Variants in LRRIQ3 observed in about 807,000 individuals in gnomAD.
LRRIQ3 encodes the protein leucine-rich repeat and IQ domain-containing protein 3.
A neutral mutation model predicts 59.3 loss-of-function variants in LRRIQ3; 75 were observed. The observed-to-expected ratio is 1.26, with a 90% CI of 1.05 to 1.53. LRRIQ3 has a LOEUF of 1.53. LRRIQ3 is among the 40% of genes most tolerant of loss of function. LRRIQ3 has a pLI of 0.00. For synonymous variants in LRRIQ3, 250 were observed against 231.3 expected (o/e 1.08, Z -0.73); for missense variants, 831 against 710.0 (o/e 1.17, Z -1.94).
chr1:74,159,638 T>C (rs1221081431), intron 3 of LRRIQ3, among the ~76,000 whole-genome samples: 3 of 152,160 alleles, frequency 2.0e-5, no homozygotes, highest in Non-Finnish European at 4.4e-5. Context: ...CTTGGCTAAC[T>C]CTTCTCAAGT....
chr1:74,037,290 C>G (rs892712692), intron 7 of LRRIQ3, among the ~76,000 whole-genome samples: 1 of 152,082 alleles, frequency 6.6e-6, no homozygotes, highest in Non-Finnish European at 1.5e-5. Context: ...TCAAAAAGAA[C>G]CATAACTGCC....
intron 4 of LRRIQ3, among the ~76,000 whole-genome samples, chr1:74,131,307 C>A (rs545094502): frequency 6.6e-6 from 1 of 152,260 alleles, no homozygotes; most frequent in South Asian, 2.1e-4. Flanking sequence ...CAAGGAGGAG[C>A]TGGTACCATT....
chr1:74,183,046 C>A lies in LRRIQ3; in HGVS notation c.250-185G>T, dbSNP rs185152138. 218 of 398,918 alleles carry A rather than the reference C, an allele frequency of 5.5e-4. 1 individual carries two copies. Among genetic ancestry groups the A allele is most frequent in the African/African-American group, 4.3e-3 (206 of 48,416 alleles). 24.7% of individuals were successfully genotyped at this position (398,918 alleles called of 1,614,324 possible). ...TTGAAAACCATAATACACTGGGTAT[C>A]TGAGATAATTTATTATTATTCGCAT... On this transcript the variant is annotated intron_variant, in intron 2 of 7. Transcript: ENST00000354431.
chr1:74,114,705 A>G (rs1646753604), intron 4 of LRRIQ3, among the ~76,000 whole-genome samples: 1 of 151,722 alleles, frequency 6.6e-6, no homozygotes, highest in Admixed American at 6.6e-5. Context: ...ACTGAACTCT[A>G]GCTTGGGCAA....
intron 1 of LRRIQ3, among the ~76,000 whole-genome samples, chr1:74,189,176 G>T (rs1009523438): frequency 6.6e-6 from 1 of 152,066 alleles, no homozygotes; most frequent in Non-Finnish European, 1.5e-5. Flanking sequence ...ATGTTGACCT[G>T]TCCTCTCCAT....
Position 74,183,695 on chromosome 1 carries a change from T to C in LRRIQ3, c.1-11A>G. ...TGTTCCATGAAACATCTAGGAAAGA[T>C]AAGAAAGTGCTTTGATTTTTTTTTC... On this transcript the variant is annotated splice_polypyrimidine_tract_variant and intron_variant, in intron 1 of 7. Transcript: ENST00000354431. 6.9e-7 allele frequency: 1 copy of C among 1,444,848 alleles called. No homozygotes were observed. Among genetic ancestry groups the C allele is most frequent in the Non-Finnish European group, 9.2e-7 (1 of 1,092,502 alleles). 89.5% of individuals were successfully genotyped at this position (1,444,848 alleles called of 1,614,324 possible). A position where few individuals can be genotyped will look rare whatever the true frequency, so the allele number is the denominator to read the frequency against.
intron 3 of LRRIQ3, among the ~76,000 whole-genome samples, chr1:74,165,704 G>A (rs1189048464): frequency 6.6e-6 from 1 of 151,624 alleles, no homozygotes; most frequent in Non-Finnish European, 1.5e-5. Flanking sequence ...CATAATGTTA[G>A]TTGTAGGTAT....
At chr1:74,090,266 T>A (rs1160387373) in intron 5 of LRRIQ3, among the ~76,000 whole-genome samples, 3 of 151,974 alleles carry the variant, frequency 2.0e-5, no homozygotes, top group African/African-American at 7.2e-5. Flanking sequence ...ATCTACAGAA[T>A]TATAATAAAT....
chr1:74,113,910 G>GA (rs942711146), intron 4 of LRRIQ3, among the ~76,000 whole-genome samples: 1 of 151,450 alleles, frequency 6.6e-6, no homozygotes, highest in African/African-American at 2.4e-5. Context: ...TTAACTAATT[G>GA]AAAAAGTAAT....
chr1:74,166,450 C>T (rs1648997855), intron 3 of LRRIQ3, among the ~76,000 whole-genome samples: 1 of 151,708 alleles, frequency 6.6e-6, no homozygotes, highest in African/African-American at 2.4e-5. Flanking sequence ...CTTTGTCAGT[C>T]TTGACAGGTT....
chr1:74,103,150 T>C (rs1465611137), intron 5 of LRRIQ3, among the ~76,000 whole-genome samples: 2 of 152,010 alleles, frequency 1.3e-5, no homozygotes, highest in Non-Finnish European at 2.9e-5. Flanking sequence ...GACCCATTAG[T>C]TGCAGGTGGC....
intron 6 of LRRIQ3, among the ~76,000 whole-genome samples, chr1:74,064,788 G>A (rs959957829): frequency 6.6e-6 from 1 of 151,972 alleles, no homozygotes; most frequent in Non-Finnish European, 1.5e-5. Context: ...CTGATGAGCA[G>A]TAAGTTATTA....
At chr1:74,190,971 T>C (rs1650727679) in intron 1 of LRRIQ3, among the ~76,000 whole-genome samples, 1 of 152,140 alleles carries the variant, frequency 6.6e-6, no homozygotes, top group Non-Finnish European at 1.5e-5. Flanking sequence ...ATGTAAGATA[T>C]GCCTTCCACC....
intron 6 of LRRIQ3, among the ~76,000 whole-genome samples, chr1:74,072,570 A>G (rs1170074036): frequency 6.6e-6 from 1 of 152,008 alleles, no homozygotes; most frequent in African/African-American, 2.4e-5. Flanking sequence ...GGGCTTGTGA[A>G]CAAAGAAGAA....
intron 1 of LRRIQ3, among the ~76,000 whole-genome samples, chr1:74,193,279 T>A (rs555391951): frequency 2.7e-4 from 41 of 152,302 alleles, no homozygotes; most frequent in Non-Finnish European, 1.6e-4. Flanking sequence ...TTACAGAACG[T>A]ATCAAGTCTC....
At chr1:74,171,930 T>A (rs902327179) in intron 3 of LRRIQ3, among the ~76,000 whole-genome samples, 1 of 152,154 alleles carries the variant, frequency 6.6e-6, no homozygotes, top group African/African-American at 2.4e-5. Flanking sequence ...TTTAAATGAG[T>A]CTCAAAATCT....
rs767641238 is a variant in LRRIQ3, at chr1:74,041,267, T to C, written c.1664A>G (p.Lys555Arg). Reference protein sequence around the residue: ...LKEKSLIVKQKLKAEKYRKNL... With the variant: ...LKEKSLIVKQRLKAEKYRKNL... ...CTTTCTATATTTTTCTGCTTTTAGT[T>C]TTTGCTTAACAATCAGGCTTTTCTC... The change falls in exon 7 of 8, where the codon AAA becomes AGA. Residue 555 changes from lysine to arginine, a missense_variant. Coordinates refer to ENST00000354431, the MANE Select transcript of LRRIQ3 (RefSeq NM_001105659.2). The C allele has an allele frequency of 1.4e-5, 22 of 1,595,692 alleles. No homozygotes were observed. The highest frequency in any genetic ancestry group is 1.7e-4 in the Middle Eastern group (1 of 5,860).
At chr1:74,068,939 G>A (rs1215584303) in intron 6 of LRRIQ3, among the ~76,000 whole-genome samples, 1 of 151,998 alleles carries the variant, frequency 6.6e-6, no homozygotes. Context: ...AAAATGTAAT[G>A]TGTTTCAGTG....
intron 7 of LRRIQ3, among the ~76,000 whole-genome samples, chr1:74,040,131 G>A (rs1653998502): frequency 6.6e-6 from 1 of 151,988 alleles, no homozygotes; most frequent in Non-Finnish European, 1.5e-5. Context: ...AAACAAGCAA[G>A]GGTTGCAATC....
Sources: gnomAD v4.1 joint callset for allele counts (sites outside exome capture counted in the v4.1 genomes callset) on GRCh38, gnomAD v4.1.1 for gene constraint, MANE v1.5 for transcripts, NCBI Gene and HGNC (gene_info 2026-07-23, HGNC 2026-07-21) for gene names.